Variants in EYS observed in about 807,000 individuals in gnomAD.
EYS encodes EGF-like photoreceptor maintenance factor, also known as protein eyes shut homolog.
In EYS, 250 loss-of-function variants were observed where a neutral mutation model predicts 282.1. The ratio of observed to expected loss-of-function variants is 0.89; its 90% CI spans 0.80 to 0.98. The LOEUF is 0.98. EYS is among the 50% of genes least tolerant of loss of function. EYS has a pLI of 0.00. For synonymous variants in EYS, 1,355 were observed against 1,282.9 expected (o/e 1.06, Z -1.20); for missense variants, 4,016 against 3,709.0 (o/e 1.08, Z -2.15).
chr6:65,296,536 A>G (rs13195360), intron 11 of EYS, among the ~76,000 whole-genome samples: 4,768 of 151,808 alleles, frequency 0.031, 106 homozygotes, highest in South Asian at 0.045. Flanking sequence ...CTATATATAT[A>G]TACATATATA....
intron 12 of EYS, among the ~76,000 whole-genome samples, chr6:65,130,732 G>C (rs1443269618): frequency 2.0e-5 from 3 of 150,590 alleles, no homozygotes; most frequent in African/African-American, 7.3e-5. Flanking sequence ...AAAATAGTCT[G>C]TACAACAAAC....
chr6:64,236,118 A>G (rs1378701127), intron 30 of EYS, among the ~76,000 whole-genome samples: 1 of 152,174 alleles, frequency 6.6e-6, no homozygotes, highest in East Asian at 1.9e-4. Flanking sequence ...CAAAAAGCTT[A>G]TCCACCATGA....
chr6:64,619,157 G>C (rs780216697), intron 23 of EYS, among the ~76,000 whole-genome samples: 11 of 152,068 alleles, frequency 7.2e-5, no homozygotes, highest in Non-Finnish European at 1.0e-4. Flanking sequence ...CAGAACACAT[G>C]GTAGTTATAC....
intron 14 of EYS, among the ~76,000 whole-genome samples, chr6:64,994,660 T>C (rs1771185571): frequency 2.0e-5 from 3 of 152,136 alleles, no homozygotes; most frequent in Admixed American, 2.0e-4. Flanking sequence ...CTTTTACCAA[T>C]GAGTTAGTAA....
In EYS at chr6:64,881,343, A is replaced by G. The variant is rs981943546; in HGVS notation, c.2992+5354T>C. Among the ~76,000 whole-genome samples the G allele has an allele frequency of 4.8e-4, 73 of 151,902 alleles. 2 individuals are homozygous for G. The highest frequency in any genetic ancestry group is 4.7e-3 in the Admixed American group (72 of 15,210). On this transcript the variant is annotated intron_variant, in intron 19 of 42. Coordinates refer to ENST00000503581, the MANE Select transcript of EYS (RefSeq NM_001142800.2). ...GAGACTAAGTGCCGAATGATGTTGT[A>G]TAACAGATTCACTGTGCCAAGTCTA...
intron 14 of EYS, among the ~76,000 whole-genome samples, chr6:64,969,992 T>A (rs954451529): frequency 6.6e-6 from 1 of 152,140 alleles, no homozygotes; most frequent in Admixed American, 6.5e-5. Flanking sequence ...ATTTCTATAA[T>A]AAGAATGTAA....
At chr6:64,923,835 G>C (rs1365814374) in intron 15 of EYS, among the ~76,000 whole-genome samples, 1 of 152,196 alleles carries the variant, frequency 6.6e-6, no homozygotes, top group Non-Finnish European at 1.5e-5. Flanking sequence ...AGTTCTCATG[G>C]TGTTGGGCAG....
intron 5 of EYS, among the ~76,000 whole-genome samples, chr6:65,443,554 A>T (rs1177680793): frequency 6.7e-6 from 1 of 149,824 alleles, no homozygotes; most frequent in Non-Finnish European, 1.5e-5. Context: ...CATGATACGC[A>T]TACATGTATA....
At chr6:64,685,402 G>A (rs192235191) in intron 22 of EYS, among the ~76,000 whole-genome samples, 3 of 152,240 alleles carry the variant, frequency 2.0e-5, no homozygotes, top group Admixed American at 2.0e-4. Flanking sequence ...AATTTGATCC[G>A]TATTGTTGAA....
At chr6:65,215,645 A>G (rs956641000) in intron 12 of EYS, among the ~76,000 whole-genome samples, 1 of 152,344 alleles carries the variant, frequency 6.6e-6, no homozygotes, top group South Asian at 2.1e-4. Flanking sequence ...CACTGTGGGT[A>G]AAACGCTGTC....
chr6:65,266,047 A>G (rs997285124), intron 12 of EYS, among the ~76,000 whole-genome samples: 2 of 151,992 alleles, frequency 1.3e-5, no homozygotes, highest in African/African-American at 4.8e-5. Context: ...CCTTGTAAGT[A>G]AGAAATACAG....
intron 2 of EYS, among the ~76,000 whole-genome samples, chr6:65,562,505 A>G (rs969517005): frequency 2.0e-5 from 3 of 152,072 alleles, no homozygotes; most frequent in African/African-American, 7.2e-5. Flanking sequence ...CCCCTGAAAT[A>G]TTAGAAATCT....
chr6:64,841,084 A>G (rs1167787659), intron 19 of EYS, among the ~76,000 whole-genome samples: 1 of 152,112 alleles, frequency 6.6e-6, no homozygotes, highest in East Asian at 1.9e-4. Flanking sequence ...CAAATTTTAC[A>G]GCCAAAGATA....
In EYS at chr6:63,720,858, G is replaced by A; in HGVS notation, c.9173C>T (p.Ala3058Val). 1 of 1,551,012 alleles carries A rather than the reference G, an allele frequency of 6.4e-7. No individual in the cohort carries two copies. Among genetic ancestry groups the A allele is most frequent in the Admixed American group, 2.0e-5 (1 of 50,952 alleles). The change falls in exon 43 of 43, where the codon GCC becomes GTC. Residue 3058 changes from alanine to valine, a missense_variant. Physicochemically the swap from Ala to Val is moderately conservative, Grantham distance 64. Transcript: ENST00000503581. ...VVIQNQTLIKAYINNSLILSE... is the reference protein window; with the variant it reads ...VVIQNQTLIKVYINNSLILSE... ...AAGAATTAGACTGTTATTTATGTAG[G>A]CCTTGATAAGAGTCTGATTTTGAAT...
At chr6:65,425,889 T>C (rs576866922) in intron 5 of EYS, among the ~76,000 whole-genome samples, 2 of 152,222 alleles carry the variant, frequency 1.3e-5, no homozygotes, top group South Asian at 4.1e-4. Context: ...TAGGTGTTTT[T>C]CAGCTGTATT....
At chr6:65,246,145 T>C (rs974884582) in intron 12 of EYS, among the ~76,000 whole-genome samples, 2 of 152,142 alleles carry the variant, frequency 1.3e-5, no homozygotes, top group African/African-American at 4.8e-5. Context: ...ATAGCAATAA[T>C]TATCACATGG....
chr6:65,325,900 C>A (rs1769605552), intron 11 of EYS, among the ~76,000 whole-genome samples: 1 of 152,074 alleles, frequency 6.6e-6, no homozygotes, highest in Non-Finnish European at 1.5e-5. Context: ...TTTAAACTGT[C>A]TTGAACTCAA....
At chr6:64,419,377 T>G (rs931043008) in intron 28 of EYS, among the ~76,000 whole-genome samples, 1 of 152,142 alleles carries the variant, frequency 6.6e-6, no homozygotes, top group African/African-American at 2.4e-5. Context: ...CATATCATTC[T>G]ATCCCGGGCC....
intron 4 of EYS, among the ~76,000 whole-genome samples, chr6:65,492,075 G>T (rs1375835096): frequency 6.6e-6 from 1 of 152,094 alleles, no homozygotes; most frequent in Non-Finnish European, 1.5e-5. Flanking sequence ...CCAGTCTATG[G>T]TACTTTGTTA....
Sources: gnomAD v4.1 joint callset for allele counts (sites outside exome capture counted in the v4.1 genomes callset) on GRCh38, gnomAD v4.1.1 for gene constraint, MANE v1.5 for transcripts, NCBI Gene and HGNC (gene_info 2026-07-23, HGNC 2026-07-21) for gene names.